GPC5: variants seen among roughly 807,000 people sequenced by gnomAD.
GPC5 encodes the protein glypican 5, also known as glypican-5.
In GPC5, 47 loss-of-function variants were observed where a neutral mutation model predicts 53.9. The observed-to-expected ratio is 0.87, with a 90% CI of 0.69 to 1.11. The LOEUF is 1.11. Among genes scored for constraint, GPC5 ranks in the 50% most tolerant of loss-of-function variants. The pLI, the probability that GPC5 is intolerant of heterozygous loss-of-function variation, is 0.00. For missense variants in GPC5, 748 were observed against 713.1 expected, an observed-to-expected ratio of 1.05 and a Z score of -0.56; for synonymous variants, 286 against 263.3, an observed-to-expected ratio of 1.09 and a Z score of -0.84.
rs562265568 is a variant in GPC5 at position 92,597,277 on chromosome 13, T to TA, written c.1562-269000dup. 3.4e-4 allele frequency among the ~76,000 whole-genome samples: 50 copies of TA among 147,946 alleles called. No individual in the cohort carries two copies. In the South Asian group the frequency reaches 6.3e-3, roughly 19 times the overall value. On this transcript the variant is annotated intron_variant, in intron 7 of 7. Coordinates refer to ENST00000377067, the MANE Select transcript of GPC5 (RefSeq NM_004466.6). ...TAATGCCAGGATTTTTTTTTTTTTT[T>TA]AAAAAGGATGTAGAGAAAAGGAAAC...
chr13:91,571,603 T>C (rs2031782561), intron 2 of GPC5, among the ~76,000 whole-genome samples: 1 of 151,820 alleles, frequency 6.6e-6, no homozygotes, highest in Non-Finnish European at 1.5e-5. Context: ...CACACACCTG[T>C]AGTCCTAGCT....
At position 91,527,338 on chromosome 13, in the gene GPC5, G is replaced by T. The variant is rs540277963; in HGVS notation, c.325+78416G>T. Among the ~76,000 whole-genome samples, 23 of 152,332 alleles carry T rather than the reference G, an allele frequency of 1.5e-4. No individual in the cohort carries two copies. In the South Asian group the frequency reaches 4.6e-3, roughly 30 times the overall value. ...CAAAGTGGCCATAGGCCTTATGCAAGTCCGAAACTCAGCAGGGCAGTCATT... is the reference window on the plus strand; with the variant it reads ...CAAAGTGGCCATAGGCCTTATGCAATTCCGAAACTCAGCAGGGCAGTCATT... On this transcript the variant is annotated intron_variant, in intron 2 of 7. Coordinates refer to ENST00000377067, the MANE Select transcript of GPC5 (RefSeq NM_004466.6).
chr13:91,749,186 C>T (rs1217158275), intron 4 of GPC5, among the ~76,000 whole-genome samples: 2 of 152,096 alleles, frequency 1.3e-5, no homozygotes, highest in Admixed American at 6.5e-5. Context: ...CTTCCACCTC[C>T]CACCTTCCTG....
intron 5 of GPC5, among the ~76,000 whole-genome samples, chr13:91,762,748 A>C (rs972151432): frequency 5.9e-5 from 9 of 152,088 alleles, no homozygotes; most frequent in African/African-American, 1.7e-4. Flanking sequence ...CTTCTTCCTC[A>C]CTTCAGCAAT....
At chr13:91,479,122 A>G (rs1014347124) in intron 2 of GPC5, among the ~76,000 whole-genome samples, 4 of 151,488 alleles carry the variant, frequency 2.6e-5, no homozygotes, top group African/African-American at 9.7e-5. Context: ...CGTGTTGCCC[A>G]GGGTGGCCTC....
At chr13:92,086,946 A>C (rs1443035689) in intron 6 of GPC5, among the ~76,000 whole-genome samples, 2 of 152,214 alleles carry the variant, frequency 1.3e-5, no homozygotes, top group African/African-American at 4.8e-5. Flanking sequence ...AGTGTGAGCC[A>C]CCACACCCAG....
intron 7 of GPC5, among the ~76,000 whole-genome samples, chr13:92,419,449 G>A (rs1278264372): frequency 1.3e-5 from 2 of 152,132 alleles, no homozygotes; most frequent in Non-Finnish European, 2.9e-5. Flanking sequence ...CAGATTAATC[G>A]TGATCCTGTG....
intron 1 of GPC5, among the ~76,000 whole-genome samples, chr13:91,423,389 T>C (rs1878779988): frequency 6.6e-6 from 1 of 152,172 alleles, no homozygotes; most frequent in Non-Finnish European, 1.5e-5. Flanking sequence ...AGGCTTATAG[T>C]CTAAGGAAAA....
chr13:91,552,310 C>G (rs1249424453), intron 2 of GPC5, among the ~76,000 whole-genome samples: 1 of 151,950 alleles, frequency 6.6e-6, no homozygotes, highest in East Asian at 1.9e-4. Flanking sequence ...AAGATGGACA[C>G]AGCTCCGTGA....
intron 7 of GPC5, among the ~76,000 whole-genome samples, chr13:92,463,713 C>G (rs959923214): frequency 6.6e-6 from 1 of 151,956 alleles, no homozygotes; most frequent in Non-Finnish European, 1.5e-5. Flanking sequence ...TTACATTTTT[C>G]TTCACTTATA....
chr13:92,197,102 C>T (rs1182864305), intron 7 of GPC5, among the ~76,000 whole-genome samples: 1 of 152,148 alleles, frequency 6.6e-6, no homozygotes, highest in East Asian at 1.9e-4. Flanking sequence ...TCCGCTCCTG[C>T]GAAGAGCTCA....
chr13:91,407,964 A>G (rs566768526), intron 1 of GPC5, among the ~76,000 whole-genome samples: 77 of 152,286 alleles, frequency 5.1e-4, no homozygotes, highest in African/African-American at 1.8e-3. Context: ...ATACAACATG[A>G]TGGTTTGAAG....
chr13:92,449,402 C>T (rs573463199), intron 7 of GPC5, among the ~76,000 whole-genome samples: 2 of 152,210 alleles, frequency 1.3e-5, no homozygotes, highest in African/African-American at 4.8e-5. Context: ...CCGCTCTCAA[C>T]TCCTAGGGAA....
At chr13:91,997,447 C>T (rs1005315512) in intron 6 of GPC5, among the ~76,000 whole-genome samples, 7 of 152,070 alleles carry the variant, frequency 4.6e-5, no homozygotes, top group African/African-American at 1.7e-4. Context: ...CAGACCAGTT[C>T]CCTCTATTTG....
chr13:92,139,316 T>C (rs553593900), intron 6 of GPC5, among the ~76,000 whole-genome samples: 16 of 152,324 alleles, frequency 1.1e-4, no homozygotes, highest in Non-Finnish European at 1.2e-4. Flanking sequence ...AAGTATGTAA[T>C]CACTTCTTAA....
chr13:92,282,978 T>C (rs528935456), intron 7 of GPC5, among the ~76,000 whole-genome samples: 2 of 152,288 alleles, frequency 1.3e-5, no homozygotes, highest in South Asian at 4.1e-4. Flanking sequence ...GACCCATCAG[T>C]GTGCTGTATT....
intron 7 of GPC5, among the ~76,000 whole-genome samples, chr13:92,770,464 T>C (rs1594494924): frequency 6.6e-6 from 1 of 151,074 alleles, no homozygotes; most frequent in African/African-American, 2.4e-5. Context: ...CAACCACAAC[T>C]TCATTCACAT....
chr13:91,517,043 T>G (rs1885543463), intron 2 of GPC5, among the ~76,000 whole-genome samples: 1 of 152,158 alleles, frequency 6.6e-6, no homozygotes, highest in African/African-American at 2.4e-5. Flanking sequence ...CCTGGACCTC[T>G]GGGCCTGTGA....
intron 7 of GPC5, among the ~76,000 whole-genome samples, chr13:92,238,170 G>T (rs1395422868): frequency 6.6e-6 from 1 of 151,714 alleles, no homozygotes; most frequent in Non-Finnish European, 1.5e-5. Flanking sequence ...TACTTCTCTT[G>T]ATAATATAGC....
Sources: gnomAD v4.1 joint callset for allele counts (sites outside exome capture counted in the v4.1 genomes callset) on GRCh38, gnomAD v4.1.1 for gene constraint, MANE v1.5 for transcripts, NCBI Gene and HGNC (gene_info 2026-07-23, HGNC 2026-07-21) for gene names.